Variants in TFEC observed in about 807,000 individuals in gnomAD.
TFEC encodes the protein class E basic helix-loop-helix protein 34.
TFEC carries 31 observed loss-of-function variants against 41.6 expected under a neutral mutation model. The ratio of observed to expected loss-of-function variants is 0.74; its 90% CI spans 0.56 to 1.01. The LOEUF (loss-of-function observed/expected upper bound fraction) is 1.01, where lower values mean the gene tolerates loss of function less well. Ranked by LOEUF, TFEC falls within the 50% of genes least tolerant of loss-of-function variation. The pLI is 0.00. For missense variants in TFEC, 402 were observed against 404.1 expected, an observed-to-expected ratio of 0.99 and a Z score of 0.04; for synonymous variants, 143 against 140.6, an observed-to-expected ratio of 1.02 and a Z score of -0.12.
chr7:115,986,912 T>C (rs951720924), intron 1 of TFEC, among the ~76,000 whole-genome samples: 1 of 40,940 alleles, frequency 2.4e-5, no homozygotes, highest in African/African-American at 7.5e-5. Flanking sequence ...GTATAATAAG[T>C]ATATATAAAA....
At chr7:116,072,996 T>A (rs927621729) in intron 3 of TFEC, among the ~76,000 whole-genome samples, 1 of 151,238 alleles carries the variant, frequency 6.6e-6, no homozygotes, top group Non-Finnish European at 1.5e-5. Context: ...AATTAATTAA[T>A]TAAATAATTA....
At chr7:116,012,566 T>A (rs1464155725) in intron 1 of TFEC, among the ~76,000 whole-genome samples, 1 of 152,072 alleles carries the variant, frequency 6.6e-6, no homozygotes, top group Admixed American at 6.6e-5. Flanking sequence ...GTAAAATAGA[T>A]CTAAAGCCAT....
At chr7:116,127,807 G>C (rs1798247142) in intron 1 of TFEC, among the ~76,000 whole-genome samples, 1 of 151,810 alleles carries the variant, frequency 6.6e-6, no homozygotes, top group African/African-American at 2.4e-5. Context: ...TGTCCTCCAT[G>C]TTACAAATTC....
At chr7:116,152,476 T>A (rs1447431858) in intron 1 of TFEC, among the ~76,000 whole-genome samples, 1 of 151,878 alleles carries the variant, frequency 6.6e-6, no homozygotes, top group African/African-American at 2.4e-5. Context: ...TCCCCTAGAG[T>A]CTTCAAGCGG....
chr7:115,994,080 A>G (rs1794247888), intron 1 of TFEC, among the ~76,000 whole-genome samples: 1 of 152,362 alleles, frequency 6.6e-6, no homozygotes, highest in East Asian at 1.9e-4. Context: ...ATCTTTGACA[A>G]AACTGACAAA....
At chr7:115,988,075 T>C (rs190832775) in intron 1 of TFEC, among the ~76,000 whole-genome samples, 2 of 152,274 alleles carry the variant, frequency 1.3e-5, no homozygotes. Flanking sequence ...TTAACCTATA[T>C]AGAGAATATT....
chr7:116,054,583 G>A (rs920585782), intron 3 of TFEC, among the ~76,000 whole-genome samples: 2 of 152,112 alleles, frequency 1.3e-5, no homozygotes, highest in Admixed American at 1.3e-4. Context: ...AATGATGGAG[G>A]ATGGAGTTGC....
chr7:115,938,296 T>TG lies in TFEC; in HGVS notation c.*2254dup, dbSNP rs1793327407. ...TGAAGCCAGTCTCTATCTAATAAAG[T>TG]GGTGTGTTTTCTATGAACTCCAAAA... On this transcript the variant is annotated 3_prime_UTR_variant, in exon 8 of 8. Transcript: ENST00000265440. The TG allele has an allele frequency of 6.6e-6, 1 of 151,906 alleles. No individual in the cohort carries two copies. Among genetic ancestry groups the TG allele is most frequent in the African/African-American group, 2.4e-5 (1 of 41,412 alleles). 9.4% of individuals were successfully genotyped at this position (151,906 alleles called of 1,614,324 possible).
intron 1 of TFEC, among the ~76,000 whole-genome samples, chr7:116,016,750 T>C (rs923732983): frequency 6.6e-6 from 1 of 151,934 alleles, no homozygotes; most frequent in Non-Finnish European, 1.5e-5. Context: ...ATATTCTATA[T>C]GTACATAGCA....
intron 1 of TFEC, among the ~76,000 whole-genome samples, chr7:116,124,401 T>C (rs1430236229): frequency 2.0e-5 from 3 of 152,148 alleles, no homozygotes; most frequent in Non-Finnish European, 4.4e-5. Context: ...GAATTACAGA[T>C]ACGTTAGGCA....
chr7:116,080,570 G>A (rs183024737), intron 3 of TFEC, among the ~76,000 whole-genome samples: 77 of 152,148 alleles, frequency 5.1e-4, no homozygotes, highest in Admixed American at 1.8e-3. Flanking sequence ...ATATACAAAT[G>A]GCCAAGAAGC....
chr7:115,944,610 T>C (rs980169059), intron 6 of TFEC, among the ~76,000 whole-genome samples: 2 of 151,680 alleles, frequency 1.3e-5, no homozygotes, highest in Admixed American at 1.3e-4. Context: ...TAGCTTTTAT[T>C]TCCTAAGCCA....
chr7:116,044,427 C>T (rs1796114896), intron 3 of TFEC, among the ~76,000 whole-genome samples: 1 of 152,086 alleles, frequency 6.6e-6, no homozygotes, highest in South Asian at 2.1e-4. Flanking sequence ...GAACATAACA[C>T]TTAATTGTTT....
At chr7:116,129,410 G>C (rs1200729131) in intron 1 of TFEC, among the ~76,000 whole-genome samples, 1 of 150,178 alleles carries the variant, frequency 6.7e-6, no homozygotes, top group Admixed American at 6.6e-5. Context: ...AAAATAAAAT[G>C]TTAAGATGTC....
At chr7:116,109,521 G>A (rs1291589899) in intron 3 of TFEC, among the ~76,000 whole-genome samples, 1 of 152,180 alleles carries the variant, frequency 6.6e-6, no homozygotes, top group African/African-American at 2.4e-5. Context: ...AAACCACAAT[G>A]AGATACCATC....
At chr7:116,020,224 T>C (rs2130851318) in intron 1 of TFEC, among the ~76,000 whole-genome samples, 1 of 152,296 alleles carries the variant, frequency 6.6e-6, no homozygotes, top group Non-Finnish European at 1.5e-5. Context: ...TTAGTAATTA[T>C]GAAAACAAAG....
rs1277130607 is a variant in TFEC, at chr7:115,937,225, T to A, written c.*3326A>T. On this transcript the variant is annotated 3_prime_UTR_variant, in exon 8 of 8. Transcript: ENST00000265440. ...AAAGGAAGTTTTATTATAATTGTAA[T>A]TATGAATTAAATCTTTAAATGAAAA... 1 of 151,716 alleles carries A rather than the reference T, an allele frequency of 6.6e-6. No individual in the cohort carries two copies. Among genetic ancestry groups the A allele is most frequent in the Non-Finnish European group, 1.5e-5 (1 of 67,712 alleles). The allele number at this position is 151,716 out of a possible 1,614,324, so 9.4% of individuals were successfully genotyped here. A position where few individuals can be genotyped will look rare whatever the true frequency, so the allele number is the denominator to read the frequency against.
intron 3 of TFEC, among the ~76,000 whole-genome samples, chr7:116,045,846 G>A (rs536651712): frequency 1.5e-4 from 23 of 152,296 alleles, no homozygotes; most frequent in Non-Finnish European, 2.4e-4. Context: ...CCACAGGGGC[G>A]GAGCTTCCCA....
intron 1 of TFEC, among the ~76,000 whole-genome samples, chr7:116,147,468 A>G (rs1798666890): frequency 6.6e-6 from 1 of 152,152 alleles, no homozygotes; most frequent in Admixed American, 6.5e-5. Flanking sequence ...GGTTTATTAC[A>G]TATGTATACA....
Sources: gnomAD v4.1 joint callset for allele counts (sites outside exome capture counted in the v4.1 genomes callset) on GRCh38, gnomAD v4.1.1 for gene constraint, MANE v1.5 for transcripts, NCBI Gene and HGNC (gene_info 2026-07-23, HGNC 2026-07-21) for gene names.